DLGAP1: variants seen among roughly 807,000 people sequenced by gnomAD.
The protein encoded by DLGAP1 is disks large-associated protein 1.
A neutral mutation model predicts 90.8 loss-of-function variants in DLGAP1; 11 were observed. The ratio of observed to expected loss-of-function variants is 0.12; its 90% CI spans 0.08 to 0.20. The LOEUF (loss-of-function observed/expected upper bound fraction) is 0.20. DLGAP1 is among the 10% of genes least tolerant of loss of function. The probability of loss-of-function intolerance (pLI) is 1.00; values close to 1 mark genes in which losing one functional copy is unlikely to be tolerated. For missense variants in DLGAP1, 1,050 were observed against 1,333.8 expected, an observed-to-expected ratio of 0.79 and a Z score of 3.31; for synonymous variants, 558 against 540.7, an observed-to-expected ratio of 1.03 and a Z score of -0.44.
intron 2 of DLGAP1, among the ~76,000 whole-genome samples, chr18:4,082,890 A>G (rs1598369587): frequency 6.6e-6 from 1 of 152,148 alleles, no homozygotes; most frequent in African/African-American, 2.4e-5. Context: ...TGTAATGCAC[A>G]TGGACCCCAA....
At chr18:3,957,502 C>T (rs1041752721) in intron 3 of DLGAP1, among the ~76,000 whole-genome samples, 3 of 152,124 alleles carry the variant, frequency 2.0e-5, no homozygotes, top group Non-Finnish European at 4.4e-5. Flanking sequence ...GGGGATGACA[C>T]GTTCTAACTG....
chr18:3,793,550 G>A (rs1335640232), intron 5 of DLGAP1, among the ~76,000 whole-genome samples: 3 of 151,686 alleles, frequency 2.0e-5, no homozygotes, highest in African/African-American at 7.3e-5. Context: ...TAAAGTGCTG[G>A]TCCTCCACCC....
chr18:3,903,143 G>A (rs1278227032), intron 3 of DLGAP1, among the ~76,000 whole-genome samples: 1 of 151,764 alleles, frequency 6.6e-6, no homozygotes, highest in African/African-American at 2.4e-5. Context: ...CTCTAATCTT[G>A]TTACTGACTG....
intron 7 of DLGAP1, among the ~76,000 whole-genome samples, chr18:3,696,299 C>T (rs1276257025): frequency 6.6e-6 from 1 of 152,102 alleles, no homozygotes; most frequent in Non-Finnish European, 1.5e-5. Context: ...ATGCCTCCAG[C>T]TTGTGCCCAT....
chr18:4,304,242 A>C (rs892765681), intron 1 of DLGAP1, among the ~76,000 whole-genome samples: 4 of 152,172 alleles, frequency 2.6e-5, no homozygotes, highest in Non-Finnish European at 5.9e-5. Context: ...GAACAATGTG[A>C]ATGTACTTAA....
chr18:4,363,344 C>A (rs986729576), intron 1 of DLGAP1, among the ~76,000 whole-genome samples: 36 of 152,114 alleles, frequency 2.4e-4, no homozygotes, highest in Admixed American at 1.6e-3. Context: ...CTTGATGTTA[C>A]CCAACCTACA....
In DLGAP1 at chr18:3,772,398, TTCTTTCTTTC is replaced by T. The variant is rs1418712167; in HGVS notation, c.1173-29896_1173-29887del. ...TTTCTTTCTTTCTTTCTTTCTTTCT[TTCTTTCTTTC>T]TCTTTCTTTCTTTCCTTCCTTCCTC... On this transcript the variant is annotated intron_variant, in intron 5 of 12. Transcript: ENST00000315677. 1.6e-3 allele frequency among the ~76,000 whole-genome samples: 57 copies of T among 34,806 alleles called. 3 individuals carry two copies. Among genetic ancestry groups the T allele is most frequent in the African/African-American group, 2.6e-3 (38 of 14,826 alleles). 22.8% of individuals were successfully genotyped at this position (34,806 alleles called of 152,430 possible).
chr18:3,880,453 C>T (rs1204047752), intron 3 of DLGAP1, among the ~76,000 whole-genome samples: 2 of 151,920 alleles, frequency 1.3e-5, no homozygotes, highest in African/African-American at 2.4e-5. Flanking sequence ...GCTGGGATTA[C>T]AGGCGTGAGC....
chr18:4,098,895 A>C (rs1177592718), intron 2 of DLGAP1, among the ~76,000 whole-genome samples: 1 of 152,190 alleles, frequency 6.6e-6, no homozygotes, highest in African/African-American at 2.4e-5. Context: ...GTAAAATCCT[A>C]AGTCCAGAAG....
chr18:4,315,269 A>G (rs2080499001), intron 1 of DLGAP1, among the ~76,000 whole-genome samples: 1 of 152,206 alleles, frequency 6.6e-6, no homozygotes, highest in Admixed American at 6.5e-5. Context: ...AGCCTATGGC[A>G]GGTAGGATGT....
intron 3 of DLGAP1, among the ~76,000 whole-genome samples, chr18:3,945,836 T>C (rs1369361526): frequency 6.6e-6 from 1 of 152,098 alleles, no homozygotes; most frequent in Non-Finnish European, 1.5e-5. Flanking sequence ...TTTCAAATAA[T>C]GGGGTTTCCT....
chr18:4,404,814 A>C (rs2082628759), intron 1 of DLGAP1, among the ~76,000 whole-genome samples: 3 of 152,226 alleles, frequency 2.0e-5, no homozygotes, highest in Admixed American at 2.0e-4. Context: ...AAATAGTCCC[A>C]CATGCTAGAC....
At chr18:3,638,604 T>C (rs1309615091) in intron 7 of DLGAP1, among the ~76,000 whole-genome samples, 1 of 152,232 alleles carries the variant, frequency 6.6e-6, no homozygotes. Context: ...TCAGTCACAT[T>C]AATGTATATC....
chr18:4,018,534 C>T (rs1052677555), intron 2 of DLGAP1, among the ~76,000 whole-genome samples: 2 of 152,202 alleles, frequency 1.3e-5, no homozygotes, highest in African/African-American at 4.8e-5. Context: ...CTACAGCATC[C>T]GCTAAAACCG....
chr18:4,260,040 G>A (rs1294134999), intron 1 of DLGAP1, among the ~76,000 whole-genome samples: 1 of 152,138 alleles, frequency 6.6e-6, no homozygotes, highest in Non-Finnish European at 1.5e-5. Flanking sequence ...AGTATATTAT[G>A]TATAAACTCA....
intron 7 of DLGAP1, among the ~76,000 whole-genome samples, chr18:3,682,315 C>T (rs1879931619): frequency 1.3e-5 from 2 of 152,034 alleles, no homozygotes; most frequent in Admixed American, 6.6e-5. Context: ...TAAGCAGATG[C>T]CAGCATCATG....
intron 3 of DLGAP1, among the ~76,000 whole-genome samples, chr18:3,886,773 A>G (rs2071327623): frequency 6.6e-6 from 1 of 152,210 alleles, no homozygotes; most frequent in Non-Finnish European, 1.5e-5. Context: ...TACATTTTCC[A>G]TTCTCCCTAG....
intron 3 of DLGAP1, among the ~76,000 whole-genome samples, chr18:3,915,983 G>C (rs2072134489): frequency 6.6e-6 from 1 of 152,076 alleles, no homozygotes; most frequent in Admixed American, 6.5e-5. Flanking sequence ...CTCTACTATA[G>C]CAAGATGCCC....
intron 1 of DLGAP1, among the ~76,000 whole-genome samples, chr18:4,407,225 G>T (rs905853975): frequency 6.6e-6 from 1 of 152,172 alleles, no homozygotes; most frequent in Non-Finnish European, 1.5e-5. Flanking sequence ...AGCATTTGCT[G>T]TAAAAAAACA....
Sources: gnomAD v4.1 joint callset for allele counts (sites outside exome capture counted in the v4.1 genomes callset) on GRCh38, gnomAD v4.1.1 for gene constraint, MANE v1.5 for transcripts, NCBI Gene and HGNC (gene_info 2026-07-23, HGNC 2026-07-21) for gene names.